Variants in SPATA2L observed in about 807,000 individuals in gnomAD.
SPATA2L encodes the protein spermatogenesis-associated protein 2-like protein.
In SPATA2L, 5 loss-of-function variants were observed where a neutral mutation model predicts 8.7. The observed-to-expected ratio is 0.57, with a 90% CI of 0.30 to 1.21. SPATA2L has a LOEUF of 1.21. Ranked by LOEUF, SPATA2L falls within the 50% of genes most tolerant of loss-of-function variation. The pLI, the probability that SPATA2L is intolerant of heterozygous loss-of-function variation, is 0.07. For synonymous variants in SPATA2L, 358 were observed against 275.8 expected, an observed-to-expected ratio of 1.30 and a Z score of -2.95; for missense variants, 671 against 591.0, an observed-to-expected ratio of 1.14 and a Z score of -1.40.
intron 2 of SPATA2L, 22 bp from the exon 3 acceptor site, chr16:89,698,327 A>G: frequency 1.3e-6 from 2 of 1,536,214 alleles, no homozygotes; most frequent in Non-Finnish European, 8.8e-7. Flanking sequence ...CGGCCAGGTC[A>G]GTGACTGCCC....
chr16:89,696,878 G>C lies in SPATA2L; in HGVS notation c.*456C>G. ...GCTCCAGCAGAGCTTGGGGTGGGGG[G>C]AGCTCGGTGTCACCAACAGGCCCTT... On this transcript the variant is annotated 3_prime_UTR_variant, in exon 3 of 3. Transcript: ENST00000289805. 2 of 1,534,810 alleles carry C rather than the reference G, an allele frequency of 1.3e-6. No individual in the cohort carries two copies. Among genetic ancestry groups the C allele is most frequent in the South Asian group, 2.4e-5 (2 of 83,796 alleles).
chr16:89,698,068 C>T lies in SPATA2L; in HGVS notation c.541G>A (p.Glu181Lys), dbSNP rs771741198. The T allele has an allele frequency of 3.8e-6, 6 of 1,599,126 alleles. No homozygotes were observed. The highest frequency in any genetic ancestry group is 5.1e-6 in the Non-Finnish European group (6 of 1,175,562). ...QLGTSVLPAEELLQARRASGD... is the reference protein window; with the variant it reads ...QLGTSVLPAEKLLQARRASGD... ...CTGGCACGCCGTGCCTGCAGCAGCT[C>T]CTCAGCTGGCAGCACACTGGTGCCC... is the stretch of plus-strand genomic sequence containing the variant. Residue 181 changes from glutamate to lysine, a missense_variant, in exon 3 of 3, where the codon GAG becomes AAG. Physicochemically the swap from Glu to Lys is moderately conservative, Grantham distance 56 (BLOSUM62 1). Transcript: ENST00000289805.
In SPATA2L at chr16:89,697,546, A is replaced by G. The variant is rs899618119; in HGVS notation, c.1063T>C (p.Tyr355His). 1.8e-5 allele frequency: 28 copies of G among 1,591,266 alleles called. No individual in the cohort carries two copies. Among genetic ancestry groups the G allele is most frequent in the Non-Finnish European group, 2.3e-5 (27 of 1,169,708 alleles). ...AYRSVSEPPG[Y>H]QAHSCLSPGA... ...GGGGACAGGCAGCTGTGTGCCTGGT[A>G]GCCTGGGGGCTCCGAGACAGACCTA... The change falls in exon 3 of 3, where the codon TAC (tyrosine) becomes CAC (histidine). Residue 355 changes from tyrosine (Y) to histidine (H), a missense_variant. Coordinates refer to ENST00000289805, the MANE Select transcript of SPATA2L (RefSeq NM_152339.4).
chr16:89,701,007 G>C lies in SPATA2L; in HGVS notation c.226C>G (p.Arg76Gly). The change falls in exon 2 of 3, where the codon CGC becomes GGC. Residue 76 changes from arginine (R) to glycine (G), a missense_variant. Physicochemically the swap from Arg to Gly is moderately radical, Grantham distance 125. Transcript: ENST00000289805. ...DLAPALRGLARAFELLELAAV... is the reference protein window; with the variant it reads ...DLAPALRGLAGAFELLELAAV... ...GCGAGCTCCAGAAGCTCGAAGGCGC[G>C]AGCCAGGCCGCGTAGCGCGGGCGCC... is the stretch of plus-strand genomic sequence containing the variant. 6.4e-7 allele frequency: 1 copy of C among 1,568,740 alleles called. No homozygotes were observed.
rs2060773126 is a variant in SPATA2L, at chr16:89,701,095, G to A, written c.138C>T (p.His46=). The A allele has an allele frequency of 1.9e-6, 3 of 1,566,282 alleles. No individual in the cohort carries two copies. In the African/African-American group the frequency reaches 4.1e-5, roughly 21 times the overall value. Residue 46 remains histidine, a synonymous_variant, in exon 2 of 3, where the codon CAC becomes CAT. Coordinates refer to ENST00000289805, the MANE Select transcript of SPATA2L (RefSeq NM_152339.4). ...CCAGCGCGTCGTCCTGCAGCGCCCC[G>A]TGCAGGTCGAAGTCCTCCACCAGGA... ...WQILVEDFDL[H]GALQDDALAL...
At position 89,701,130 on chromosome 16, in the gene SPATA2L, G is replaced by C. The variant is rs867351077; in HGVS notation, c.103C>G (p.Leu35Val). The C allele has an allele frequency of 2.6e-6, 4 of 1,533,698 alleles. No homozygotes were observed. Among genetic ancestry groups the C allele is most frequent in the South Asian group, 1.2e-5 (1 of 83,344 alleles). ...VCGDPSLRAV[L>V]WQILVEDFDL... ...AAGTCCTCCACCAGGATCTGCCAGA[G>C]CACCGCGCGCAGCGAGGGGTCCCCG... Residue 35 changes from leucine (L) to valine (V), a missense_variant, in exon 2 of 3, where the codon CTC (leucine) becomes GTC (valine). By Grantham distance (32) the Leu-to-Val change is conservative. Coordinates refer to ENST00000289805, the MANE Select transcript of SPATA2L (RefSeq NM_152339.4).
rs375109038 is a variant in SPATA2L, at chr16:89,697,927, A to G, written c.682T>C (p.Tyr228His). Residue 228 changes from tyrosine to histidine, a missense_variant, in exon 3 of 3, where the codon TAC becomes CAC. Coordinates refer to ENST00000289805, the MANE Select transcript of SPATA2L (RefSeq NM_152339.4). The stretch of plus-strand genomic sequence containing the variant: ...CCCTCGTCTTCCTGCAAGTCCCGGT[A>G]TAAGTCCAGTGGGGCCCTGTAAGCA... The part of the protein sequence containing the change: ...PAAYRAPLDL[Y>H]RDLQEDEGSE... 187 of 1,610,960 alleles carry G rather than the reference A, an allele frequency of 1.2e-4. No individual in the cohort carries two copies. The highest frequency in any genetic ancestry group is 1.5e-4 in the Non-Finnish European group (180 of 1,179,292).
At chr16:89,700,782 C>T in intron 2 of SPATA2L, 148 bp downstream of exon 2, 1 of 884,102 alleles carries the variant, frequency 1.1e-6, no homozygotes, top group Non-Finnish European at 1.6e-6. Flanking sequence ...CGCCCACGAC[C>T]CCTCAGCGCT....
chr16:89,696,679 A>G lies in SPATA2L; in HGVS notation c.*655T>C, dbSNP rs1335907077. 4.3e-6 allele frequency: 5 copies of G among 1,158,862 alleles called. No homozygotes were observed. The highest frequency in any genetic ancestry group is 1.6e-5 in the South Asian group (1 of 63,904). 71.8% of individuals were successfully genotyped at this position (1,158,862 alleles called of 1,614,324 possible). ...CTTCCGCCCAGCAGCAGTGACGCTCAGGGCCTTCCCAGCTGTCAGCCACTG... is the reference window on the plus strand; with the variant it reads ...CTTCCGCCCAGCAGCAGTGACGCTCGGGGCCTTCCCAGCTGTCAGCCACTG... On this transcript the variant is annotated 3_prime_UTR_variant, in exon 3 of 3. Transcript: ENST00000289805.
At position 89,700,993 on chromosome 16, in the gene SPATA2L, A is replaced by C. The variant is rs753721985; in HGVS notation, c.240T>G (p.Leu80=). The C allele has an allele frequency of 6.4e-6, 10 of 1,566,150 alleles. No individual in the cohort carries two copies. Among genetic ancestry groups the C allele is most frequent in the Non-Finnish European group, 8.6e-6 (10 of 1,158,024 alleles). The change falls in exon 2 of 3, where the codon CTT becomes CTG. Residue 80 remains leucine (L), a synonymous_variant. Transcript: ENST00000289805. ...ALRGLARAFE[L]LELAAVHLYL... ...ACAGGTGCACCGCGGCGAGCTCCAGAAGCTCGAAGGCGCGAGCCAGGCCGC... is the reference window on the plus strand; with the variant it reads ...ACAGGTGCACCGCGGCGAGCTCCAGCAGCTCGAAGGCGCGAGCCAGGCCGC...
At chr16:89,700,685 A>T (rs2060770155) in intron 2 of SPATA2L, among the ~76,000 whole-genome samples, 1 of 152,166 alleles carries the variant, frequency 6.6e-6, no homozygotes, top group Non-Finnish European at 1.5e-5. Context: ...CACTGACGCA[A>T]GCTCTCAGGG....
chr16:89,697,227 A>T lies in SPATA2L; in HGVS notation c.*107T>A. The stretch of plus-strand genomic sequence containing the variant: ...GACTCTCCAACCCCCTGCTGTGCCC[A>T]GGACTCCCCCAGGGACAAGGCAACC... On this transcript the variant is annotated 3_prime_UTR_variant, in exon 3 of 3. Coordinates refer to ENST00000289805, the MANE Select transcript of SPATA2L (RefSeq NM_152339.4). 7.1e-7 allele frequency: 1 copy of T among 1,402,678 alleles called. No homozygotes were observed. The highest frequency in any genetic ancestry group is 1.8e-5 in the South Asian group (1 of 56,658). 86.9% of individuals were successfully genotyped at this position (1,402,678 alleles called of 1,614,324 possible). A position where few individuals can be genotyped will look rare whatever the true frequency, so the allele number is the denominator to read the frequency against.
intron 2 of SPATA2L, among the ~76,000 whole-genome samples, chr16:89,700,503 C>T (rs2060768995): frequency 1.3e-5 from 2 of 152,334 alleles, no homozygotes; most frequent in East Asian, 1.9e-4. Flanking sequence ...AGCCCTGAGA[C>T]TTCACAGGGA....
chr16:89,697,430 C>A lies in SPATA2L; in HGVS notation c.1179G>T (p.Ser393=). The A allele has an allele frequency of 6.2e-7, 1 of 1,605,616 alleles. No individual in the cohort carries two copies. Among genetic ancestry groups the A allele is most frequent in the South Asian group, 1.1e-5 (1 of 90,584 alleles). Reference sequence around the variant, plus strand: ...GGGCGTCGCCAAGCAGCACACGCAGCGAGTGGCCTGGACGGCAGGCGGGCA... The same window carrying A: ...GGGCGTCGCCAAGCAGCACACGCAGAGAGTGGCCTGGACGGCAGGCGGGCA... The part of the protein sequence containing the change: ...AALPACRPGH[S]LRVLLGDAQR... Residue 393 remains serine (S), a synonymous_variant, in exon 3 of 3, where the codon TCG becomes TCT. Transcript: ENST00000289805.
At position 89,697,364 on chromosome 16, in the gene SPATA2L, C is replaced by T. The variant is rs769320088; in HGVS notation, c.1245G>A (p.Leu415=). The T allele has an allele frequency of 3.2e-6, 5 of 1,550,174 alleles. No individual in the cohort carries two copies. In the Admixed American group the frequency reaches 5.7e-5, roughly 18 times the overall value. Reference sequence around the variant, plus strand: ...GCCGGGCCCCGGGGCTGTTGTAGAGCAGAGTGTCCATCTGTGCACGCTGTA... The same window carrying T: ...GCCGGGCCCCGGGGCTGTTGTAGAGTAGAGTGTCCATCTGTGCACGCTGTA... The part of the protein sequence containing the change: ...LWLQRAQMDT[L]LYNSPGARP Residue 415 remains leucine (L), a synonymous_variant, in exon 3 of 3, where the codon CTG becomes CTA. Coordinates refer to ENST00000289805, the MANE Select transcript of SPATA2L (RefSeq NM_152339.4).
intron 2 of SPATA2L, among the ~76,000 whole-genome samples, chr16:89,700,638 C>T (rs1219013322): frequency 6.6e-6 from 1 of 152,240 alleles, no homozygotes; most frequent in Non-Finnish European, 1.5e-5. Flanking sequence ...CCTAAGATTT[C>T]CATGGCAACT....
chr16:89,700,966 G>A lies in SPATA2L; in HGVS notation c.267C>T (p.Tyr89=). The A allele has an allele frequency of 5.8e-6, 9 of 1,543,878 alleles. No homozygotes were observed. Among genetic ancestry groups the A allele is most frequent in the African/African-American group, 2.8e-5 (2 of 71,144 alleles). The change falls in exon 2 of 3, where the codon TAC becomes TAT. Residue 89 remains tyrosine, a synonymous_variant. Coordinates refer to ENST00000289805, the MANE Select transcript of SPATA2L (RefSeq NM_152339.4). The part of the protein sequence containing the change: ...ELLELAAVHL[Y]LLPWRKEFTT... ...TGAACTCCTTCCTCCAGGGCAGCAG[G>A]TACAGGTGCACCGCGGCGAGCTCCA...
Position 89,697,581 on chromosome 16 carries a change from G to C in SPATA2L, c.1028C>G (p.Ala343Gly). 6.3e-7 allele frequency: 1 copy of C among 1,599,816 alleles called. No individual in the cohort carries two copies. The highest frequency in any genetic ancestry group is 8.5e-7 in the Non-Finnish European group (1 of 1,176,394). Reference sequence around the variant, plus strand: ...CTCCGAGACAGACCTATAGGCTGAGGCTGGTACCCCCTCTGCCCGAATACG... The same window carrying C: ...CTCCGAGACAGACCTATAGGCTGAGCCTGGTACCCCCTCTGCCCGAATACG... ...PRRIRAEGVP[A>G]SAYRSVSEPP... The change falls in exon 3 of 3, where the codon GCC (alanine) becomes GGC (glycine). Residue 343 changes from alanine (A) to glycine (G), a missense_variant. Ala to Gly is a moderately conservative substitution (Grantham distance 60). Coordinates refer to ENST00000289805, the MANE Select transcript of SPATA2L (RefSeq NM_152339.4).
At chr16:89,701,437 GC>G (rs1215644361) in intron 1 of SPATA2L, 190 bp downstream of exon 1, 1 of 472,932 alleles carries the variant, frequency 2.1e-6, no homozygotes, top group Non-Finnish European at 3.6e-6. Context: ...AGCGATCCAG[GC>G]CCCTCCAGTT....
Sources: gnomAD v4.1 joint callset for allele counts (sites outside exome capture counted in the v4.1 genomes callset) on GRCh38, gnomAD v4.1.1 for gene constraint, MANE v1.5 for transcripts, NCBI Gene and HGNC (gene_info 2026-07-23, HGNC 2026-07-21) for gene names.